The following CORIN variants were observed in gnomAD, a reference collection of about 807,000 sequenced individuals.
CORIN encodes corin, serine peptidase.
In CORIN, 117 loss-of-function variants were observed where a neutral mutation model predicts 125.3. The observed-to-expected ratio is 0.93, with a 90% CI of 0.80 to 1.09. CORIN has a LOEUF of 1.09. CORIN is among the 50% of genes least tolerant of loss of function. The probability of loss-of-function intolerance (pLI) is 0.00; values close to 1 mark genes in which losing one functional copy is unlikely to be tolerated. For missense variants in CORIN, 1,253 were observed against 1,306.7 expected, an observed-to-expected ratio of 0.96 and a Z score of 0.63; for synonymous variants, 450 against 466.4, an observed-to-expected ratio of 0.96 and a Z score of 0.45.
chr4:47,763,445 T>A lies in CORIN; in HGVS notation c.551A>T (p.Tyr184Phe), dbSNP rs141945729. 1.5e-4 allele frequency: 240 copies of A among 1,614,052 alleles called. No homozygotes were observed. The highest frequency in any genetic ancestry group is 2.0e-4 in the Non-Finnish European group (234 of 1,180,034). The stretch of plus-strand genomic sequence containing the variant: ...ACAGCCAAACAGCATGATATGTTGA[T>A]AGCAACTGAGGCGATGGAGATATGT... ...FFTYLHRLSC[Y>F]QHIMLFGCTL... The change falls in exon 4 of 22, where the codon TAT becomes TTT. Residue 184 changes from tyrosine to phenylalanine, a missense_variant. Tyr to Phe is a conservative substitution (Grantham distance 22, BLOSUM62 3). Coordinates refer to ENST00000273857, the MANE Select transcript of CORIN (RefSeq NM_006587.4).
chr4:47,694,791 T>C (rs1400528591), intron 5 of CORIN, among the ~76,000 whole-genome samples: 2 of 152,046 alleles, frequency 1.3e-5, no homozygotes, highest in Non-Finnish European at 2.9e-5. Context: ...ACTCAGGAGG[T>C]TCTCGATTCA....
chr4:47,736,004 A>G (rs1416431283), intron 5 of CORIN, among the ~76,000 whole-genome samples: 1 of 150,294 alleles, frequency 6.7e-6, no homozygotes, highest in Admixed American at 6.6e-5. Context: ...TCAAGAACTG[A>G]TATGTTTTGA....
At chr4:47,788,582 G>A (rs1414668601) in intron 2 of CORIN, among the ~76,000 whole-genome samples, 1 of 152,108 alleles carries the variant, frequency 6.6e-6, no homozygotes, top group East Asian at 1.9e-4. Flanking sequence ...AAATGTGATA[G>A]GTTTAATTAC....
chr4:47,803,609 AAC>A (rs1471775048), intron 2 of CORIN, among the ~76,000 whole-genome samples: 4 of 152,230 alleles, frequency 2.6e-5, no homozygotes, highest in Non-Finnish European at 4.4e-5. Context: ...TTGCGGAAAG[AAC>A]AGTCTCTTCA....
intron 4 of CORIN, among the ~76,000 whole-genome samples, chr4:47,745,505 A>C (rs1728623522): frequency 6.6e-6 from 1 of 152,268 alleles, no homozygotes; most frequent in Non-Finnish European, 1.5e-5. Context: ...GATATGTAAC[A>C]AACCTTAAAC....
chr4:47,774,009 T>C (rs1303838843), intron 3 of CORIN, among the ~76,000 whole-genome samples: 1 of 152,158 alleles, frequency 6.6e-6, no homozygotes, highest in Non-Finnish European at 1.5e-5. Flanking sequence ...ATCTAGTTTC[T>C]ACTTGATTCA....
chr4:47,757,870 A>ATATATG (rs1560535311), intron 4 of CORIN, among the ~76,000 whole-genome samples: 8 of 98,354 alleles, frequency 8.1e-5, no homozygotes, highest in African/African-American at 3.6e-4. Context: ...ATATATACAT[A>ATATATG]TATATATGTA....
intron 8 of CORIN, among the ~76,000 whole-genome samples, chr4:47,679,118 A>G (rs761327027): frequency 6.6e-6 from 1 of 152,266 alleles, no homozygotes; most frequent in Non-Finnish European, 1.5e-5. Flanking sequence ...AATGAAAAGT[A>G]TAATTAATTC....
intron 21 of CORIN, among the ~76,000 whole-genome samples, chr4:47,599,238 G>C (rs1379621829): frequency 2.0e-5 from 3 of 152,084 alleles, no homozygotes; most frequent in Non-Finnish European, 2.9e-5. Context: ...CAGAAAGGAG[G>C]GTGGTCTCAG....
At chr4:47,809,800 C>T (rs775082130) in intron 1 of CORIN, among the ~76,000 whole-genome samples, 4 of 152,190 alleles carry the variant, frequency 2.6e-5, no homozygotes, top group Non-Finnish European at 5.9e-5. Context: ...ACTTGCATAA[C>T]TTTCCTCTTG....
At chr4:47,601,698 GAATT>G (rs1189036034) in intron 20 of CORIN, among the ~76,000 whole-genome samples, 2 of 151,982 alleles carry the variant, frequency 1.3e-5, no homozygotes, top group African/African-American at 4.8e-5. Flanking sequence ...TTAAATTACA[GAATT>G]AATCATAGCT....
At chr4:47,614,180 C>T (rs573507257) in intron 19 of CORIN, among the ~76,000 whole-genome samples, 1 of 152,134 alleles carries the variant, frequency 6.6e-6, no homozygotes, top group African/African-American at 2.4e-5. Flanking sequence ...TTACTTTACC[C>T]CCAATTTCTT....
chr4:47,707,242 T>C (rs1472886591), intron 5 of CORIN, among the ~76,000 whole-genome samples: 1 of 152,202 alleles, frequency 6.6e-6, no homozygotes, highest in Non-Finnish European at 1.5e-5. Context: ...TACTGCGTGG[T>C]ATAATAGGCT....
intron 5 of CORIN, among the ~76,000 whole-genome samples, chr4:47,729,789 G>A (rs1287349612): frequency 2.0e-5 from 3 of 152,188 alleles, no homozygotes; most frequent in Non-Finnish European, 4.4e-5. Flanking sequence ...AGACCTTAGC[G>A]CGCACACACA....
intron 5 of CORIN, chr4:47,706,977 G>A (rs1726601101): frequency 5.0e-5 from 79 of 1,581,060 alleles, no homozygotes; most frequent in Non-Finnish European, 6.7e-5. Context: ...CAGCTCCACC[G>A]TTACCGCTAA....
intron 3 of CORIN, among the ~76,000 whole-genome samples, chr4:47,782,635 A>G (rs776747598): frequency 9.2e-5 from 14 of 152,206 alleles, no homozygotes; most frequent in Admixed American, 2.6e-4. Context: ...TAAAAAATGT[A>G]TATGCAATCC....
At chr4:47,638,536 A>G (rs956179718) in intron 16 of CORIN, among the ~76,000 whole-genome samples, 6 of 152,216 alleles carry the variant, frequency 3.9e-5, no homozygotes, top group Non-Finnish European at 5.9e-5. Flanking sequence ...ATGATAGTGA[A>G]TAAGTTTCAC....
chr4:47,817,485 A>G (rs1272369427), intron 1 of CORIN, among the ~76,000 whole-genome samples: 3 of 152,154 alleles, frequency 2.0e-5, no homozygotes, highest in African/African-American at 7.2e-5. Context: ...GACTTTGGAC[A>G]GTCTCTGCAG....
At chr4:47,784,547 T>C (rs996035486) in intron 3 of CORIN, among the ~76,000 whole-genome samples, 2 of 152,244 alleles carry the variant, frequency 1.3e-5, no homozygotes, top group South Asian at 2.1e-4. Flanking sequence ...CTTCAGGACA[T>C]GTATTTGTCA....
Sources: allele counts gnomAD v4.1 joint callset (sites outside exome capture counted in the v4.1 genomes callset), GRCh38; gene constraint gnomAD v4.1.1; transcripts MANE v1.5; gene names NCBI Gene and HGNC (gene_info 2026-07-23, HGNC 2026-07-21).